PLPPR1: variants seen among roughly 807,000 people sequenced by gnomAD.
PLPPR1 encodes phospholipid phosphatase related 1.
PLPPR1 carries 10 observed loss-of-function variants against 33.1 expected under a neutral mutation model. The observed-to-expected ratio is 0.30, with a 90% CI of 0.19 to 0.51. The LOEUF is 0.51. PLPPR1 is among the 20% of genes least tolerant of loss of function. The pLI, the probability that PLPPR1 is intolerant of heterozygous loss-of-function variation, is 0.97. For synonymous variants in PLPPR1, 151 were observed against 151.0 expected, an observed-to-expected ratio of 1.00 and a Z score of 0.00; for missense variants, 304 against 408.1, an observed-to-expected ratio of 0.74 and a Z score of 2.20.
At position 101,102,145 on chromosome 9, in the gene PLPPR1, TTTTTA is replaced by T. The variant is rs1229284288; in HGVS notation, c.-46+73051_-46+73055del. Reference sequence around the variant, plus strand: ...TCCTATTATAGCTTTATTCTTTTTTTTTTTATTTTATTATTATACTTTAAGTTTTA... The same window carrying T: ...TCCTATTATAGCTTTATTCTTTTTTTTTTTATTATTATACTTTAAGTTTTA... On this transcript the variant is annotated intron_variant, in intron 1 of 7. Coordinates refer to ENST00000374874, the MANE Select transcript of PLPPR1 (RefSeq NM_207299.2). 1.5e-3 allele frequency among the ~76,000 whole-genome samples: 180 copies of T among 118,816 alleles called. 2 individuals carry two copies. Among genetic ancestry groups the T allele is most frequent in the Middle Eastern group, 0.012 (3 of 246 alleles). The allele number at this position is 118,816 out of a possible 152,430, so 77.9% of individuals were successfully genotyped here. A position where few individuals can be genotyped will look rare whatever the true frequency, so the allele number is the denominator to read the frequency against.
chr9:101,093,531 C>G (rs79002587), intron 1 of PLPPR1, among the ~76,000 whole-genome samples: 2,777 of 152,300 alleles, frequency 0.018, 56 homozygotes, highest in African/African-American at 0.047. Flanking sequence ...ATTCAGAAGT[C>G]ATGTAATTAG....
chr9:101,190,928 A>T (rs375599534), intron 2 of PLPPR1, among the ~76,000 whole-genome samples: 2 of 152,192 alleles, frequency 1.3e-5, no homozygotes, highest in East Asian at 3.9e-4. Context: ...CATGGCAGGC[A>T]GTTCTGAAAA....
chr9:101,222,083 T>C (rs1826954785), intron 2 of PLPPR1, among the ~76,000 whole-genome samples: 1 of 152,118 alleles, frequency 6.6e-6, no homozygotes, highest in Admixed American at 6.5e-5. Flanking sequence ...ATGACTTCTT[T>C]AGGTAGTGAC....
rs1398427127 is a variant in PLPPR1 at position 101,078,087 on chromosome 9, G to GAGGAGA, written c.-46+49000_-46+49005dup. On this transcript the variant is annotated intron_variant, in intron 1 of 7. Coordinates refer to ENST00000374874, the MANE Select transcript of PLPPR1 (RefSeq NM_207299.2). ...GAAAAGAGAGTCTGGAATGGAGGAG[G>GAGGAGA]AGGAGAAGGAGAAGGAGAAGAAGAA... 3.7e-4 allele frequency among the ~76,000 whole-genome samples: 25 copies of GAGGAGA among 67,864 alleles called. 1 individual carries two copies. Among genetic ancestry groups the GAGGAGA allele is most frequent in the East Asian group, 1.5e-3 (3 of 1,986 alleles). 44.5% of individuals were successfully genotyped at this position (67,864 alleles called of 152,430 possible).
At chr9:101,296,878 A>G (rs2118934625) in intron 4 of PLPPR1, among the ~76,000 whole-genome samples, 1 of 152,246 alleles carries the variant, frequency 6.6e-6, no homozygotes. Context: ...GCACACCAGC[A>G]TGTCACATGT....
intron 1 of PLPPR1, chr9:101,125,789 C>T (rs925225993): frequency 3.4e-6 from 3 of 872,770 alleles, no homozygotes; most frequent in Non-Finnish European, 5.1e-6. Context: ...AAATATAGCC[C>T]AGAACATTGT....
chr9:101,235,217 G>A (rs1827275539), intron 2 of PLPPR1, among the ~76,000 whole-genome samples: 1 of 151,712 alleles, frequency 6.6e-6, no homozygotes, highest in Non-Finnish European at 1.5e-5. Flanking sequence ...TTTTTCCCCC[G>A]ATTCCTTTCA....
At chr9:101,237,976 A>G (rs1481982345) in intron 2 of PLPPR1, among the ~76,000 whole-genome samples, 2 of 111,738 alleles carry the variant, frequency 1.8e-5, no homozygotes, top group African/African-American at 8.6e-5. Context: ...CAGGCTATAT[A>G]GCCTATATAT....
chr9:101,080,376 T>A (rs927221182), intron 1 of PLPPR1, among the ~76,000 whole-genome samples: 3 of 152,006 alleles, frequency 2.0e-5, no homozygotes, highest in Admixed American at 6.5e-5. Flanking sequence ...TAGCAAGGCA[T>A]GGTAGCACAT....
At chr9:101,034,798 C>T (rs532435099) in intron 1 of PLPPR1, among the ~76,000 whole-genome samples, 1 of 150,868 alleles carries the variant, frequency 6.6e-6, no homozygotes, top group African/African-American at 2.4e-5. Context: ...TGTGCTTTTG[C>T]ATTCATTAAA....
In PLPPR1 at chr9:101,028,908, C is replaced by G. The variant is rs1185408925; in HGVS notation, c.-240C>G. The G allele has an allele frequency of 6.6e-6, 1 of 150,636 alleles. No individual in the cohort carries two copies. The highest frequency in any genetic ancestry group is 2.5e-5 in the African/African-American group (1 of 39,574). 9.3% of individuals were successfully genotyped at this position (150,636 alleles called of 1,614,324 possible). A position where few individuals can be genotyped will look rare whatever the true frequency, so the allele number is the denominator to read the frequency against. Reference sequence around the variant, plus strand: ...GCGCACAAACACGGACACACACATACACACACTCGCGCACACACTCGCACA... The same window carrying G: ...GCGCACAAACACGGACACACACATAGACACACTCGCGCACACACTCGCACA... On this transcript the variant is annotated 5_prime_UTR_variant, in exon 1 of 8. Coordinates refer to ENST00000374874, the MANE Select transcript of PLPPR1 (RefSeq NM_207299.2).
rs559890980 is a variant in PLPPR1, at chr9:101,304,171, C to T, written c.386-5040C>T. On this transcript the variant is annotated intron_variant, in intron 4 of 7. Transcript: ENST00000374874. ...TTTTCTAGTTGCCTAGCACTATGCC[C>T]GACTTTGTGAATTTTATAAAAAGGA... is the stretch of plus-strand genomic sequence containing the variant. 1.1e-4 allele frequency among the ~76,000 whole-genome samples: 17 copies of T among 152,224 alleles called. No homozygotes were observed. The South Asian group carries it at 2.9e-3, about 26-fold the overall frequency.
intron 1 of PLPPR1, among the ~76,000 whole-genome samples, chr9:101,087,400 A>G (rs1830692093): frequency 6.6e-6 from 1 of 152,122 alleles, no homozygotes; most frequent in African/African-American, 2.4e-5. Flanking sequence ...TTTTCTACTA[A>G]AAGTCTCCAT....
chr9:101,056,345 T>A (rs1338741636), intron 1 of PLPPR1, among the ~76,000 whole-genome samples: 1 of 152,214 alleles, frequency 6.6e-6, no homozygotes, highest in Non-Finnish European at 1.5e-5. Flanking sequence ...CAGTGATAGA[T>A]TTTAAAGCAA....
chr9:101,324,333 T>C lies in PLPPR1; in HGVS notation c.*276T>C, dbSNP rs1380068753. On this transcript the variant is annotated 3_prime_UTR_variant, in exon 8 of 8. Transcript: ENST00000374874. ...TTGAAGAACCACATTTATTCAATGGTTGACGTTGTTTTGTGATATTTGTAC... is the reference window on the plus strand; with the variant it reads ...TTGAAGAACCACATTTATTCAATGGCTGACGTTGTTTTGTGATATTTGTAC... 3 of 332,384 alleles carry C rather than the reference T, an allele frequency of 9.0e-6. No individual in the cohort carries two copies. Among genetic ancestry groups the C allele is most frequent in the East Asian group, 9.4e-5 (2 of 21,286 alleles). 20.6% of individuals were successfully genotyped at this position (332,384 alleles called of 1,614,324 possible).
At position 101,075,860 on chromosome 9, in the gene PLPPR1, G is replaced by GA. The variant is rs544251628; in HGVS notation, c.-46+46759dup. 3.2e-3 allele frequency among the ~76,000 whole-genome samples: 480 copies of GA among 152,134 alleles called. 8 individuals carry two copies. Among genetic ancestry groups the GA allele is most frequent in the East Asian group, 9.7e-4 (5 of 5,156 alleles). On this transcript the variant is annotated intron_variant, in intron 1 of 7. Transcript: ENST00000374874. ...GGATGAGGATTTCCTTTAGCTGGGG[G>GA]ATAGGGTAAGAAGGCCCTTCAGAGA...
intron 1 of PLPPR1, among the ~76,000 whole-genome samples, chr9:101,153,408 G>A (rs1207305444): frequency 1.3e-5 from 2 of 152,106 alleles, no homozygotes; most frequent in Non-Finnish European, 2.9e-5. Context: ...TGATTGCCCT[G>A]GCCAGAACTT....
intron 1 of PLPPR1, among the ~76,000 whole-genome samples, chr9:101,049,862 A>G (rs1057504302): frequency 7.9e-5 from 12 of 152,000 alleles, no homozygotes; most frequent in Non-Finnish European, 2.9e-5. Context: ...GCGGTGGCTC[A>G]TGCCTGTAAT....
intron 1 of PLPPR1, among the ~76,000 whole-genome samples, chr9:101,037,410 G>A (rs927094155): frequency 6.5e-4 from 99 of 152,064 alleles, no homozygotes; most frequent in Non-Finnish European, 1.1e-3. Flanking sequence ...TCACAATGAA[G>A]GGTAATGTGT....
Sources: allele counts gnomAD v4.1 joint callset (sites outside exome capture counted in the v4.1 genomes callset), GRCh38; gene constraint gnomAD v4.1.1; transcripts MANE v1.5; gene names NCBI Gene and HGNC (gene_info 2026-07-23, HGNC 2026-07-21).